The following KLF8 variants were observed in gnomAD, a reference collection of about 807,000 sequenced individuals.
The protein encoded by KLF8 is Krueppel-like factor 8.
In KLF8, 10 loss-of-function variants were observed where a neutral mutation model predicts 18.2. The observed-to-expected ratio is 0.55, with a 90% CI of 0.34 to 0.93. The LOEUF is 0.93. Among genes scored for constraint, KLF8 ranks in the 40% least tolerant of loss-of-function variants. The pLI is 0.02. For synonymous variants in KLF8, 109 were observed against 97.3 expected (o/e 1.12, Z -0.71); for missense variants, 264 against 277.9 (o/e 0.95, Z 0.36).
At chrX:56,258,780 C>G (rs1436750332) in intron 2 of KLF8, among the ~76,000 whole-genome samples, 5 of 111,655 alleles carry the variant, frequency 4.5e-5, no homozygotes, top group African/African-American at 1.3e-4. Context: ...TTTAGAAAAG[C>G]CTGAGTGCTT....
At chrX:56,190,098 TA>T in the KLF8 span, among the ~76,000 whole-genome samples, 1 of 111,121 alleles carries the variant, frequency 9.0e-6, no homozygotes, top group Admixed American at 9.6e-5. Flanking sequence ...ACATTTCGTC[TA>T]TAAAGAAACA....
chrX:56,079,966 G>A, the KLF8 span, among the ~76,000 whole-genome samples: 1 of 110,901 alleles, frequency 9.0e-6, no homozygotes, highest in Non-Finnish European at 1.9e-5. Flanking sequence ...GACTAGGATT[G>A]CAACCCCTGC....
At chrX:56,166,970 A>C in the KLF8 span, among the ~76,000 whole-genome samples, 3 of 111,399 alleles carry the variant, frequency 2.7e-5, no homozygotes, top group African/African-American at 9.8e-5. Context: ...GTTCTGATGC[A>C]TGTGTTTGGA....
chrX:56,174,137 A>T, the KLF8 span, among the ~76,000 whole-genome samples: 2 of 111,606 alleles, frequency 1.8e-5, no homozygotes, highest in African/African-American at 6.5e-5. Flanking sequence ...TCTGTATTTA[A>T]TAGGAGTGGT....
At position 56,286,766 on chromosome X, in the gene KLF8, G is replaced by A. The variant is rs1311710417; in HGVS notation, c.*2272G>A. ...TTTTTACTGTTATCATTGTTATTTC[G>A]ATAGGGCTTTTTCCTGATTTTGGGT... On this transcript the variant is annotated 3_prime_UTR_variant, in exon 6 of 6. Coordinates refer to ENST00000468660, the MANE Select transcript of KLF8 (RefSeq NM_007250.5). The A allele has an allele frequency of 8.9e-6, 1 of 111,803 alleles. No homozygotes were observed. Among genetic ancestry groups the A allele is most frequent in the Non-Finnish European group, 1.9e-5 (1 of 53,190 alleles). 9.2% of individuals were successfully genotyped at this position (111,803 alleles called of 1,213,427 possible).
chrX:56,021,585 CTT>C, the KLF8 span, among the ~76,000 whole-genome samples: 5 of 98,344 alleles, frequency 5.1e-5, no homozygotes, highest in Non-Finnish European at 4.1e-5. Context: ...CTGACCCGCT[CTT>C]TTTTTTTTTT....
chrX:56,270,799 T>A (rs2067047101), intron 5 of KLF8, among the ~76,000 whole-genome samples: 1 of 110,565 alleles, frequency 9.0e-6, no homozygotes, highest in Non-Finnish European at 1.9e-5. Context: ...AACGTGTCTT[T>A]GTTCACATTA....
At chrX:55,928,828 CAT>C in the KLF8 span, among the ~76,000 whole-genome samples, 1 of 111,924 alleles carries the variant, frequency 8.9e-6, no homozygotes, top group Non-Finnish European at 1.9e-5. Flanking sequence ...CTGCAATAAA[CAT>C]ATGTGTGCAT....
Position 56,232,900 on chromosome X carries a change from G to C in KLF8, c.-435G>C, listed in dbSNP as rs894902449. 2 of 135,042 alleles carry C rather than the reference G, an allele frequency of 1.5e-5. No homozygotes were observed. The highest frequency in any genetic ancestry group is 2.9e-5 in the Non-Finnish European group (2 of 67,954). The allele number at this position is 135,042 out of a possible 1,213,427, so 11.1% of individuals were successfully genotyped here. A position where few individuals can be genotyped will look rare whatever the true frequency, so the allele number is the denominator to read the frequency against. On this transcript the variant is annotated 5_prime_UTR_variant, in exon 1 of 6. Coordinates refer to ENST00000468660, the MANE Select transcript of KLF8 (RefSeq NM_007250.5). ...GGAGTTCAGAGGATGGGTGGAGAGC[G>C]GGCTTGGCCGGAACTGAATTGGTAG... is the stretch of plus-strand genomic sequence containing the variant.
chrX:56,076,405 C>G, the KLF8 span, among the ~76,000 whole-genome samples: 1 of 106,260 alleles, frequency 9.4e-6, no homozygotes, highest in Non-Finnish European at 1.9e-5. Flanking sequence ...ATTTTTTGTT[C>G]TTGCAGCAGT....
At chrX:55,978,016 G>A in the KLF8 span, among the ~76,000 whole-genome samples, 1 of 110,242 alleles carries the variant, frequency 9.1e-6, no homozygotes, top group East Asian at 2.9e-4. Flanking sequence ...GTGGTTCAAA[G>A]GGGGCATTCT....
chrX:56,039,224 T>G, the KLF8 span, among the ~76,000 whole-genome samples: 1 of 112,183 alleles, frequency 8.9e-6, no homozygotes, highest in Admixed American at 9.5e-5. Context: ...TTAGATTTCA[T>G]TTTTGAATTT....
the KLF8 span, among the ~76,000 whole-genome samples, chrX:56,181,919 G>T: frequency 7.5e-4 from 83 of 110,340 alleles, no homozygotes; most frequent in Middle Eastern, 9.2e-3. Context: ...TAACTTTGGA[G>T]AATCTGACAA....
At chrX:56,185,645 A>G in the KLF8 span, among the ~76,000 whole-genome samples, 1 of 112,270 alleles carries the variant, frequency 8.9e-6, no homozygotes, top group Non-Finnish European at 1.9e-5. Flanking sequence ...TTACCTACAA[A>G]GGGAAGCCCA....
chrX:56,176,049 C>A, the KLF8 span, among the ~76,000 whole-genome samples: 372 of 111,796 alleles, frequency 3.3e-3, no homozygotes, highest in Middle Eastern at 0.014. Context: ...GACTCTTTAT[C>A]CATTTTGCCA....
the KLF8 span, among the ~76,000 whole-genome samples, chrX:56,197,811 C>T: frequency 8.0e-5 from 9 of 111,884 alleles, no homozygotes; most frequent in South Asian, 3.0e-3. Flanking sequence ...ACCCATATCC[C>T]TGATGAACAT....
the KLF8 span, among the ~76,000 whole-genome samples, chrX:56,203,319 T>C: frequency 8.9e-6 from 1 of 112,338 alleles, no homozygotes; most frequent in African/African-American, 3.2e-5. Context: ...TACATTCTGG[T>C]TACTAAACCT....
intron 1 of KLF8, among the ~76,000 whole-genome samples, chrX:56,248,815 T>C (rs1325921227): frequency 8.9e-6 from 1 of 111,907 alleles, no homozygotes; most frequent in Non-Finnish European, 1.9e-5. Context: ...TCATAGTTAA[T>C]TACACCTCAG....
the KLF8 span, among the ~76,000 whole-genome samples, chrX:56,144,918 G>A: frequency 3.7e-5 from 4 of 106,862 alleles, no homozygotes; most frequent in South Asian, 4.3e-4. Flanking sequence ...TTAGCCTCCC[G>A]AGTAGCTGGG....
Sources: allele counts gnomAD v4.1 joint callset (sites outside exome capture counted in the v4.1 genomes callset), GRCh38; gene constraint gnomAD v4.1.1; transcripts MANE v1.5; gene names NCBI Gene and HGNC (gene_info 2026-07-23, HGNC 2026-07-21).